The following SMPD3 variants were observed in gnomAD, a reference collection of about 807,000 sequenced individuals.
SMPD3 encodes sphingomyelin phosphodiesterase 3, also known as nSMase-2.
A neutral mutation model predicts 55.7 loss-of-function variants in SMPD3; 21 were observed. The ratio of observed to expected loss-of-function variants is 0.38; its 90% confidence interval spans 0.27 to 0.54. The LOEUF (loss-of-function observed/expected upper bound fraction) is 0.54. SMPD3 is among the 20% of genes least tolerant of loss of function. The pLI, the probability that SMPD3 is intolerant of heterozygous loss-of-function variation, is 0.80. For missense variants in SMPD3, 842 were observed against 899.6 expected (o/e 0.94, Z 0.82); for synonymous variants, 457 against 404.3 (o/e 1.13, Z -1.56).
At chr16:68,405,545 CAAAAAA>C (rs67518521) in intron 1 of SMPD3, among the ~76,000 whole-genome samples, 1 of 73,002 alleles carries the variant, frequency 1.4e-5, no homozygotes, top group African/African-American at 5.3e-5. Context: ...GACCCTGTCT[CAAAAAA>C]AAAAAAAAAA....
intron 1 of SMPD3, among the ~76,000 whole-genome samples, chr16:68,391,880 G>A (rs1026678963): frequency 1.3e-5 from 2 of 152,182 alleles, no homozygotes; most frequent in Non-Finnish European, 2.9e-5. Context: ...TGCGACTTAA[G>A]AATTTTCAAC....
intron 5 of SMPD3, chr16:68,364,511 C>A: frequency 1.9e-6 from 1 of 518,236 alleles, no homozygotes; most frequent in Non-Finnish European, 3.4e-6. Context: ...AGGCCCCCAG[C>A]CTTCCTTGTC....
chr16:68,398,729 T>C (rs1232049952), intron 1 of SMPD3, among the ~76,000 whole-genome samples: 1 of 152,226 alleles, frequency 6.6e-6, no homozygotes, highest in Non-Finnish European at 1.5e-5. Context: ...GCTCTTAAAA[T>C]AGAATCTCCA....
At chr16:68,374,721 AG>A (rs1473449800) in intron 2 of SMPD3, among the ~76,000 whole-genome samples, 1 of 152,176 alleles carries the variant, frequency 6.6e-6, no homozygotes, top group East Asian at 1.9e-4. Flanking sequence ...CCCAGGCTGG[AG>A]GGTTCCCCCC....
At chr16:68,377,383 C>A (rs370865576) in intron 2 of SMPD3, among the ~76,000 whole-genome samples, 4 of 152,248 alleles carry the variant, frequency 2.6e-5, no homozygotes, top group African/African-American at 9.6e-5. Context: ...CCAGCCGCTC[C>A]TGGTGGGTGT....
rs750707483 is a variant in SMPD3, at chr16:68,364,931, GGAT to G, written c.1400-28_1400-26del. The G allele has an allele frequency of 8.1e-6, 13 of 1,612,716 alleles. No individual in the cohort carries two copies. In the Admixed American group the frequency reaches 2.0e-4, roughly 25 times the overall value. ...TCTGCAGGGCAGAAGTACAGAGACT[GGAT>G]GATGAAGTTCGCCCCAGACCCCAGC... On this transcript the variant is annotated intron_variant, in intron 4 of 8. Transcript: ENST00000219334.
chr16:68,406,986 C>A (rs975090218), intron 1 of SMPD3, among the ~76,000 whole-genome samples: 1 of 152,174 alleles, frequency 6.6e-6, no homozygotes, highest in Admixed American at 6.5e-5. Context: ...CTTGTAAAAT[C>A]GGATGGCTGT....
chr16:68,435,168 C>T (rs2090512625), intron 1 of SMPD3, among the ~76,000 whole-genome samples: 1 of 152,132 alleles, frequency 6.6e-6, no homozygotes. Context: ...CAGGGATGAA[C>T]TCTTTGCAGA....
intron 2 of SMPD3, among the ~76,000 whole-genome samples, chr16:68,380,606 C>T (rs2089927933): frequency 6.7e-6 from 1 of 148,890 alleles, no homozygotes; most frequent in African/African-American, 2.6e-5. Context: ...GCCCTCAGCA[C>T]CACCTCTGCC....
chr16:68,395,482 A>G (rs977350047), intron 1 of SMPD3, among the ~76,000 whole-genome samples: 12 of 152,226 alleles, frequency 7.9e-5, no homozygotes, highest in African/African-American at 2.9e-4. Context: ...CATCATCTCC[A>G]GGGTTTAAAG....
At chr16:68,431,348 A>G (rs1162546885) in intron 1 of SMPD3, among the ~76,000 whole-genome samples, 1 of 152,234 alleles carries the variant, frequency 6.6e-6, no homozygotes, top group Non-Finnish European at 1.5e-5. Flanking sequence ...CTTAAAAATA[A>G]AAGTAAAGAG....
chr16:68,373,383 G>A (rs948668567), intron 2 of SMPD3, among the ~76,000 whole-genome samples: 6 of 152,190 alleles, frequency 3.9e-5, no homozygotes, highest in Non-Finnish European at 4.4e-5. Context: ...CCCAGTCTCC[G>A]GGGACCCACG....
intron 3 of SMPD3, among the ~76,000 whole-genome samples, chr16:68,366,489 G>A (rs975510588): frequency 3.9e-5 from 6 of 152,134 alleles, no homozygotes; most frequent in African/African-American, 1.2e-4. Flanking sequence ...CAGCATCCCC[G>A]CCCCCCGAAT....
At chr16:68,366,332 C>T (rs1288482580) in intron 3 of SMPD3, among the ~76,000 whole-genome samples, 1 of 152,212 alleles carries the variant, frequency 6.6e-6, no homozygotes, top group African/African-American at 2.4e-5. Flanking sequence ...GCAGGTGCCC[C>T]TGGCTTTCTA....
At chr16:68,409,629 T>C (rs1420169834) in intron 1 of SMPD3, among the ~76,000 whole-genome samples, 1 of 152,196 alleles carries the variant, frequency 6.6e-6, no homozygotes. Context: ...AGTTTCACTC[T>C]GTTCCCCAGG....
chr16:68,416,057 C>T (rs1262387713), intron 1 of SMPD3, among the ~76,000 whole-genome samples: 1 of 152,190 alleles, frequency 6.6e-6, no homozygotes. Context: ...GCAAGGGCTG[C>T]TGGAAGAGCC....
rs752993405 is a variant in SMPD3, at chr16:68,364,759, C to T, written c.1547G>A (p.Cys516Tyr). The T allele has an allele frequency of 3.1e-6, 5 of 1,613,206 alleles. No homozygotes were observed. Among genetic ancestry groups the T allele is most frequent in the Non-Finnish European group, 4.2e-6 (5 of 1,179,638 alleles). Residue 516 changes from cysteine to tyrosine, a missense_variant, in exon 5 of 9, where the codon TGC becomes TAC. Around this residue, in one of 2 missense-constraint regions of SMPD3, gnomAD observed 649 missense variants for 643.6 expected, o/e 1.01. Transcript: ENST00000219334. ...GAGGAGCCCGGCCTCACCAGAGGAGCAGTTATCAAAGTTGAAATCTCCACA... is the reference window on the plus strand; with the variant it reads ...GAGGAGCCCGGCCTCACCAGAGGAGTAGTTATCAAAGTTGAAATCTCCACA... Reference protein sequence around the residue: ...VVCGDFNFDNCSSDDKLEQQH... With the variant: ...VVCGDFNFDNYSSDDKLEQQH...
At chr16:68,440,841 C>T (rs1461775929) in intron 1 of SMPD3, among the ~76,000 whole-genome samples, 1 of 152,164 alleles carries the variant, frequency 6.6e-6, no homozygotes, top group African/African-American at 2.4e-5. Flanking sequence ...AGACTTAGAG[C>T]TCTTGAGTCA....
chr16:68,445,869 AG>A (rs2152037041), intron 1 of SMPD3, among the ~76,000 whole-genome samples: 1 of 152,256 alleles, frequency 6.6e-6, no homozygotes, highest in Admixed American at 6.5e-5. Context: ...CTTATTGGGG[AG>A]GGCAGGTCTG....
Sources: gnomAD v4.1 joint callset for allele counts (sites outside exome capture counted in the v4.1 genomes callset) on GRCh38, gnomAD v4.1.1 for gene constraint, gnomAD v4.1.1 regional missense constraint, MANE v1.5 for transcripts, NCBI Gene and HGNC (gene_info 2026-07-23, HGNC 2026-07-21) for gene names.